Variants in AK7 observed in about 807,000 individuals in gnomAD.
AK7 encodes ATP-AMP transphosphorylase 7.
AK7 carries 78 observed loss-of-function variants against 96.6 expected under a neutral mutation model. The ratio of observed to expected loss-of-function variants is 0.81; its 90% confidence interval spans 0.67 to 0.97. AK7 has a LOEUF of 0.97. AK7 is among the 50% of genes least tolerant of loss of function. The probability of loss-of-function intolerance (pLI) is 0.00; values close to 1 mark genes in which losing one functional copy is unlikely to be tolerated. For missense variants in AK7, 855 were observed against 887.9 expected, an observed-to-expected ratio of 0.96 and a Z score of 0.47; for synonymous variants, 302 against 317.2, an observed-to-expected ratio of 0.95 and a Z score of 0.51.
intron 10 of AK7, among the ~76,000 whole-genome samples, chr14:96,452,049 G>C (rs1275102043): frequency 1.3e-5 from 2 of 152,302 alleles, no homozygotes; most frequent in East Asian, 3.8e-4. Context: ...CTCTTTCTAA[G>C]TGGTCAGAGG....
intron 15 of AK7, 87 bp from the exon 16 acceptor site, chr14:96,482,912 C>G: frequency 7.7e-7 from 1 of 1,293,402 alleles, no homozygotes. Flanking sequence ...AATTGACTAT[C>G]GCAAGTTTAT....
At chr14:96,452,856 G>T (rs188543299) in intron 10 of AK7, among the ~76,000 whole-genome samples, 1 of 152,238 alleles carries the variant, frequency 6.6e-6, no homozygotes, top group Non-Finnish European at 1.5e-5. Flanking sequence ...TAGAATGTCC[G>T]CATCTAACTG....
In AK7 at chr14:96,486,925, G is replaced by A. The variant is rs116752042; in HGVS notation, c.2002G>A (p.Glu668Lys). The A allele has an allele frequency of 4.3e-6, 7 of 1,613,968 alleles. No individual in the cohort carries two copies. The African/African-American group carries it at 5.3e-5, about 12-fold the overall frequency. ...TAAACGACTGGAGGAAGTGAAAAGA[G>A]AAGAAAGAGAATTACTGGAGGCTCA... The part of the protein sequence containing the change: ...WNKRLEEVKR[E>K]ERELLEAQSI... The change falls in exon 17 of 18, where the codon GAA (glutamate) becomes AAA (lysine). Residue 668 changes from glutamate (E) to lysine (K), a missense_variant. Physicochemically the swap from Glu to Lys is moderately conservative, Grantham distance 56. Transcript: ENST00000267584.
At chr14:96,481,177 A>C (rs534333648) in intron 15 of AK7, among the ~76,000 whole-genome samples, 32 of 152,228 alleles carry the variant, frequency 2.1e-4, no homozygotes, top group African/African-American at 7.2e-4. Context: ...GTTCGGGCTG[A>C]GGTGCCCCAC....
chr14:96,487,206 T>C (rs1895818933), intron 17 of AK7, 150 bp downstream of exon 17: 1 of 710,728 alleles, frequency 1.4e-6, no homozygotes, highest in Non-Finnish European at 2.2e-6. Flanking sequence ...AAACCCCGTC[T>C]CTACTAAAAA....
intron 1 of AK7, among the ~76,000 whole-genome samples, chr14:96,393,430 G>A (rs746429816): frequency 3.9e-5 from 6 of 152,148 alleles, no homozygotes; most frequent in Admixed American, 6.5e-5. Context: ...TTATTCTCTC[G>A]CAGTTCTTGA....
At chr14:96,404,395 A>C (rs1349049216) in intron 2 of AK7, among the ~76,000 whole-genome samples, 1 of 152,216 alleles carries the variant, frequency 6.6e-6, no homozygotes, top group Non-Finnish European at 1.5e-5. Flanking sequence ...GTGGTATATA[A>C]TTGCTCAAAT....
chr14:96,415,748 T>TAATTAATTTAATGCATTAATTAATTA (rs1891297311), intron 4 of AK7, among the ~76,000 whole-genome samples: 1 of 133,962 alleles, frequency 7.5e-6, no homozygotes, highest in South Asian at 2.4e-4. Context: ...TTAATTAAAT[T>TAATTAATTTAATGCATTAATTAATTA]AATTAATTTA....
At chr14:96,430,848 G>A (rs1258939309) in intron 5 of AK7, among the ~76,000 whole-genome samples, 1 of 152,126 alleles carries the variant, frequency 6.6e-6, no homozygotes, top group Non-Finnish European at 1.5e-5. Context: ...AGAAGGCATG[G>A]TACCAGCTCC....
intron 8 of AK7, among the ~76,000 whole-genome samples, chr14:96,449,235 A>G (rs1394778132): frequency 2.0e-5 from 3 of 152,110 alleles, no homozygotes; most frequent in African/African-American, 4.8e-5. Context: ...CATTCAGACT[A>G]CAGCACAGAA....
chr14:96,469,750 C>A (rs551354762), intron 12 of AK7, among the ~76,000 whole-genome samples: 2 of 152,264 alleles, frequency 1.3e-5, no homozygotes, highest in Admixed American at 6.5e-5. Context: ...TTTTCGGAAC[C>A]TGCTACTGCC....
chr14:96,457,496 C>T (rs576863267), intron 11 of AK7, among the ~76,000 whole-genome samples: 4 of 152,160 alleles, frequency 2.6e-5, no homozygotes, highest in East Asian at 1.9e-4. Context: ...GTTCTTGTTG[C>T]CCCCAGTTAT....
intron 5 of AK7, among the ~76,000 whole-genome samples, chr14:96,429,323 A>G (rs1209347480): frequency 6.6e-6 from 1 of 151,904 alleles, no homozygotes; most frequent in African/African-American, 2.4e-5. Context: ...TGGTCTATAT[A>G]TCTGTTTTGG....
intron 5 of AK7, among the ~76,000 whole-genome samples, chr14:96,422,252 A>G (rs1197461521): frequency 6.6e-6 from 1 of 152,232 alleles, no homozygotes; most frequent in East Asian, 1.9e-4. Context: ...TAGTGTGTGC[A>G]TCAGTAATTT....
At chr14:96,469,246 G>T (rs1209538442) in intron 12 of AK7, among the ~76,000 whole-genome samples, 1 of 152,118 alleles carries the variant, frequency 6.6e-6, no homozygotes, top group Admixed American at 6.6e-5. Flanking sequence ...TTAGGCCGGG[G>T]GCGGCGGCTC....
In AK7 at chr14:96,407,575, CTTTTCT is replaced by C. The variant is rs1301639602; in HGVS notation, c.404-1267_404-1262del. ...GCAGCTCTGATATGTTTCTTTCTTT[CTTTTCT>C]TTTTTTTTTTTTTTTTTTGAGACAG... On this transcript the variant is annotated intron_variant, in intron 3 of 17. Transcript: ENST00000267584. Among the ~76,000 whole-genome samples, 98 of 54,786 alleles carry C rather than the reference CTTTTCT, an allele frequency of 1.8e-3. 3 individuals carry two copies. Among genetic ancestry groups the C allele is most frequent in the Non-Finnish European group, 2.2e-3 (56 of 25,324 alleles). The allele number at this position is 54,786 out of a possible 152,430, so 35.9% of individuals were successfully genotyped here.
chr14:96,475,769 G>A (rs1465686037), intron 14 of AK7, among the ~76,000 whole-genome samples: 1 of 151,956 alleles, frequency 6.6e-6, no homozygotes, highest in African/African-American at 2.4e-5. Flanking sequence ...TCCAGGAGTT[G>A]GAGACCAGCA....
intron 14 of AK7, 58 bp downstream of exon 14, chr14:96,472,813 G>A: frequency 1.4e-6 from 2 of 1,437,772 alleles, no homozygotes; most frequent in Middle Eastern, 2.0e-4. Context: ...TGGGCGTGGT[G>A]GCTCACGCCT....
intron 6 of AK7, among the ~76,000 whole-genome samples, chr14:96,440,486 C>T (rs1239767511): frequency 1.3e-5 from 2 of 152,188 alleles, no homozygotes; most frequent in East Asian, 3.8e-4. Context: ...ACTCAAACTT[C>T]AGTCTCCAGC....
Sources: allele counts gnomAD v4.1 joint callset (sites outside exome capture counted in the v4.1 genomes callset), GRCh38; gene constraint gnomAD v4.1.1; transcripts MANE v1.5; gene names NCBI Gene and HGNC (gene_info 2026-07-23, HGNC 2026-07-21).